Variants in NOP58 observed in about 807,000 individuals in gnomAD.
NOP58 encodes nucleolar protein 58.
A neutral mutation model predicts 71.2 loss-of-function variants in NOP58; 44 were observed. That is an observed-to-expected ratio of 0.62 (90% CI 0.49 to 0.79). NOP58 has a LOEUF of 0.79. Ranked by LOEUF, NOP58 falls within the 30% of genes least tolerant of loss-of-function variation. The pLI is 0.00. For missense variants in NOP58, 538 were observed against 620.2 expected, an observed-to-expected ratio of 0.87 and a Z score of 1.41; for synonymous variants, 228 against 200.3, an observed-to-expected ratio of 1.14 and a Z score of -1.17.
At chr2:202,289,725 T>C (rs1185562105) in intron 6 of NOP58, among the ~76,000 whole-genome samples, 1 of 152,136 alleles carries the variant, frequency 6.6e-6, no homozygotes, top group Non-Finnish European at 1.5e-5. Flanking sequence ...ATGATTCTGC[T>C]TATATGAAGT....
chr2:202,279,549 G>A (rs1434261357), intron 3 of NOP58, among the ~76,000 whole-genome samples: 4 of 152,204 alleles, frequency 2.6e-5, no homozygotes, highest in African/African-American at 9.6e-5. Context: ...AGGAATCCCA[G>A]CACTTTGGGA....
At chr2:202,296,585 A>G (rs561195367) in intron 10 of NOP58, among the ~76,000 whole-genome samples, 4 of 152,322 alleles carry the variant, frequency 2.6e-5, no homozygotes, top group South Asian at 4.1e-4. Context: ...AGTACTTTCA[A>G]TGTTTTTGAA....
At position 202,269,467 on chromosome 2, in the gene NOP58, C is replaced by T. The variant is rs1159125359; in HGVS notation, c.45+3481C>T. Among the ~76,000 whole-genome samples the T allele has an allele frequency of 2.6e-5, 4 of 151,576 alleles. No individual in the cohort carries two copies. The South Asian group carries it at 6.2e-4, about 24-fold the overall frequency. On this transcript the variant is annotated intron_variant, in intron 1 of 14. Transcript: ENST00000264279. ...GTTCTGCCCACTTATGTGTTTAGAGCGATTCAAAAGGAAAACACTTCCAAA... is the reference window on the plus strand; with the variant it reads ...GTTCTGCCCACTTATGTGTTTAGAGTGATTCAAAAGGAAAACACTTCCAAA...
rs564907119 is a variant in NOP58 at position 202,281,715 on chromosome 2, A to G, written c.176-636A>G. Among the ~76,000 whole-genome samples, 8 of 152,364 alleles carry G rather than the reference A, an allele frequency of 5.3e-5. No homozygotes were observed. The East Asian group carries it at 1.5e-3, about 29-fold the overall frequency. On this transcript the variant is annotated intron_variant, in intron 3 of 14. Coordinates refer to ENST00000264279, the MANE Select transcript of NOP58 (RefSeq NM_015934.5). The stretch of plus-strand genomic sequence containing the variant: ...TACTTTTACCTCAGTCAAATGTCAG[A>G]TAAATTTCAGAAGAGGTATTAGTTC...
At chr2:202,267,674 A>T (rs1480279380) in intron 1 of NOP58, among the ~76,000 whole-genome samples, 1 of 152,194 alleles carries the variant, frequency 6.6e-6, no homozygotes, top group East Asian at 1.9e-4. Flanking sequence ...GCCGTAGTAT[A>T]CTGTCCTGTA....
intron 5 of NOP58, among the ~76,000 whole-genome samples, chr2:202,287,390 C>T (rs564123085): frequency 1.3e-5 from 2 of 152,020 alleles, no homozygotes; most frequent in African/African-American, 4.8e-5. Flanking sequence ...TATTACACAG[C>T]TTATCCTATT....
At chr2:202,297,248 G>A in intron 10 of NOP58, 131 bp from the exon 11 acceptor site, 1 of 795,864 alleles carries the variant, frequency 1.3e-6, no homozygotes, top group Non-Finnish European at 1.9e-6. Context: ...TTGTGGCAAA[G>A]GTTGAAATAC....
chr2:202,303,052 A>G lies in NOP58; in HGVS notation c.1534A>G (p.Ile512Val). The change falls in exon 14 of 15, where the codon ATT becomes GTT. Residue 512 changes from isoleucine to valine, a missense_variant. Coordinates refer to ENST00000264279, the MANE Select transcript of NOP58 (RefSeq NM_015934.5). ...GGAAGAACCATGTACCAGCACAGCA[A>G]TTGCTGTATGTTTGTTTTTAATTAT... ...SEEEPCTSTA[I>V]ASPEKKKKKK... 6.2e-7 allele frequency: 1 copy of G among 1,610,130 alleles called. No homozygotes were observed. Among genetic ancestry groups the G allele is most frequent in the African/African-American group, 1.3e-5 (1 of 74,824 alleles).
chr2:202,284,748 ACTC>A (rs1056767353), intron 5 of NOP58: 35 of 334,218 alleles, frequency 1.0e-4, no homozygotes, highest in South Asian at 3.8e-4. Context: ...ATTCTCTACT[ACTC>A]TGATCTTGGA....
chr2:202,302,083 C>CTTTTTTTTTTTTTTTTTT, intron 13 of NOP58, among the ~76,000 whole-genome samples: 203 of 90,576 alleles, frequency 2.2e-3, no homozygotes, highest in Non-Finnish European at 2.4e-3. Context: ...TTTTTTTTTT[C>CTTTTTTTTTTTTTTTTTT]TTTTTTTTTT....
At chr2:202,280,156 CA>C (rs1325955836) in intron 3 of NOP58, among the ~76,000 whole-genome samples, 1 of 152,132 alleles carries the variant, frequency 6.6e-6, no homozygotes, top group East Asian at 1.9e-4. Context: ...GACAGAACCA[CA>C]ACTAAATGGC....
At chr2:202,288,587 G>T (rs552924153) in intron 6 of NOP58, among the ~76,000 whole-genome samples, 11 of 152,226 alleles carry the variant, frequency 7.2e-5, no homozygotes, top group African/African-American at 2.6e-4. Flanking sequence ...GGAGGCAGAG[G>T]CTGGTGGATC....
chr2:202,280,161 A>G (rs1261558913), intron 3 of NOP58, among the ~76,000 whole-genome samples: 1 of 152,156 alleles, frequency 6.6e-6, no homozygotes, highest in Non-Finnish European at 1.5e-5. Context: ...AACCACAACT[A>G]AATGGCTGTA....
intron 9 of NOP58, among the ~76,000 whole-genome samples, chr2:202,295,155 C>T (rs1362987865): frequency 6.6e-6 from 1 of 152,048 alleles, no homozygotes; most frequent in Non-Finnish European, 1.5e-5. Flanking sequence ...TCTGGAATTT[C>T]CTTTTTAATA....
chr2:202,291,133 A>AAG lies in NOP58; in HGVS notation c.645_646dup (p.Asn216ArgfsTer20). The AAG allele has an allele frequency of 6.2e-7, 1 of 1,605,114 alleles. No homozygotes were observed. Among genetic ancestry groups the AAG allele is most frequent in the Non-Finnish European group, 8.5e-7 (1 of 1,177,546 alleles). ...CTGCAAACATTCCATAGGCGATAGG[A>AAG]AGAACTATGCCTCTGCCAAGCTTTC... On this transcript the variant is annotated frameshift_variant, in exon 8 of 15. Coordinates refer to ENST00000264279, the MANE Select transcript of NOP58 (RefSeq NM_015934.5). LOFTEE classifies it high-confidence loss of function.
In NOP58 at chr2:202,287,697, G is replaced by A. The variant is rs1688816254; in HGVS notation, c.472G>A (p.Val158Ile). 1 of 1,613,348 alleles carries A rather than the reference G, an allele frequency of 6.2e-7. No individual in the cohort carries two copies. The highest frequency in any genetic ancestry group is 8.5e-7 in the Non-Finnish European group (1 of 1,179,330). ...RYRLKFSADKVDTMIVQAISL... is the reference protein window; with the variant it reads ...RYRLKFSADKIDTMIVQAISL... ...TAGATTGAAGTTTAGCGCTGATAAA[G>A]TAGACACAATGATTGTTCAGGCAAT... The change falls in exon 6 of 15, where the codon GTA becomes ATA. Residue 158 changes from valine to isoleucine, a missense_variant. Coordinates refer to ENST00000264279, the MANE Select transcript of NOP58 (RefSeq NM_015934.5).
At position 202,278,983 on chromosome 2, in the gene NOP58, C is replaced by T. The variant is rs185595977; in HGVS notation, c.175+981C>T. 9.9e-5 allele frequency among the ~76,000 whole-genome samples: 15 copies of T among 152,196 alleles called. No homozygotes were observed. The East Asian group carries it at 2.9e-3, about 29-fold the overall frequency. On this transcript the variant is annotated intron_variant, in intron 3 of 14. Coordinates refer to ENST00000264279, the MANE Select transcript of NOP58 (RefSeq NM_015934.5). ...TAGTTCTAGGGCTGCTTCACCAACT[C>T]TTCAGTAATTAGAGTTATATACAGC...
At chr2:202,303,317 T>C (rs1689124079) in intron 14 of NOP58, 69 bp from the exon 15 acceptor site, 11 of 1,584,130 alleles carry the variant, frequency 6.9e-6, no homozygotes, top group Admixed American at 1.9e-5. Context: ...GGGGTTTTTA[T>C]ATTTTCAATG....
intron 13 of NOP58, among the ~76,000 whole-genome samples, chr2:202,301,239 C>T (rs1376654108): frequency 6.6e-6 from 1 of 152,042 alleles, no homozygotes; most frequent in East Asian, 1.9e-4. Flanking sequence ...TGCTGGAGTG[C>T]AGTGGCATGA....
Sources: allele counts gnomAD v4.1 joint callset (sites outside exome capture counted in the v4.1 genomes callset), GRCh38; gene constraint gnomAD v4.1.1; transcripts MANE v1.5; gene names NCBI Gene and HGNC (gene_info 2026-07-23, HGNC 2026-07-21).